Variants in PIK3C2B observed in about 807,000 individuals in gnomAD.
PIK3C2B encodes the protein phosphatidylinositol-4-phosphate 3-kinase catalytic subunit type 2 beta.
PIK3C2B carries 83 observed loss-of-function variants against 184.3 expected under a neutral mutation model. The ratio of observed to expected loss-of-function variants is 0.45; its 90% CI spans 0.38 to 0.54. PIK3C2B has a LOEUF of 0.54. Among genes scored for constraint, PIK3C2B ranks in the 20% least tolerant of loss-of-function variants. The probability of loss-of-function intolerance (pLI) is 0.00; values close to 1 mark genes in which losing one functional copy is unlikely to be tolerated. For synonymous variants in PIK3C2B, 779 were observed against 837.6 expected (o/e 0.93, Z 1.21); for missense variants, 1,736 against 2,113.5 (o/e 0.82, Z 3.50).
At position 204,431,809 on chromosome 1, in the gene PIK3C2B, T is replaced by A. The variant is rs1329676108; in HGVS notation, c.4156-16A>T. Reference sequence around the variant, plus strand: ...CCACATATATCTGCAAAGGTCCAGATCTTAGGGTGTACCTGCCGAGCCCTC... The same window carrying A: ...CCACATATATCTGCAAAGGTCCAGAACTTAGGGTGTACCTGCCGAGCCCTC... On this transcript the variant is annotated splice_polypyrimidine_tract_variant and intron_variant, in intron 27 of 32. Coordinates refer to ENST00000684373, the MANE Select transcript of PIK3C2B (RefSeq NM_001377334.1). 5.0e-6 allele frequency: 8 copies of A among 1,614,102 alleles called. No individual in the cohort carries two copies. The highest frequency in any genetic ancestry group is 5.1e-6 in the Non-Finnish European group (6 of 1,180,008).
intron 5 of PIK3C2B, among the ~76,000 whole-genome samples, chr1:204,463,689 T>C (rs978543596): frequency 3.3e-5 from 5 of 151,956 alleles, no homozygotes; most frequent in African/African-American, 1.2e-4. Context: ...ACTACCCATA[T>C]AGTCTCCCCA....
chr1:204,482,763 CAA>C (rs1171247395), intron 1 of PIK3C2B, among the ~76,000 whole-genome samples: 3 of 139,428 alleles, frequency 2.2e-5, no homozygotes, highest in East Asian at 2.1e-4. Context: ...CACTCTGTCT[CAA>C]AAAAAAAAAA....
At chr1:204,456,276 T>A in intron 10 of PIK3C2B, 1 of 401,360 alleles carries the variant, frequency 2.5e-6, no homozygotes, top group Non-Finnish European at 4.4e-6. Flanking sequence ...TTAAACATAA[T>A]CCTTATTTTT....
rs1675048532 is a variant in PIK3C2B, at chr1:204,431,437, A to C, written c.4280+232T>G. ...TAGAAATTTTGAAACATCAGATTCA[A>C]CCATGCCTTCCTTTCTGGCCAGTGG... On this transcript the variant is annotated intron_variant, in intron 28 of 32. Transcript: ENST00000684373. 3 of 574,702 alleles carry C rather than the reference A, an allele frequency of 5.2e-6. No individual in the cohort carries two copies. The South Asian group carries it at 6.6e-5, about 13-fold the overall frequency. The allele number at this position is 574,702 out of a possible 1,614,324, so 35.6% of individuals were successfully genotyped here.
intron 1 of PIK3C2B, among the ~76,000 whole-genome samples, chr1:204,484,896 T>C (rs1303959964): frequency 1.3e-5 from 2 of 152,132 alleles, no homozygotes; most frequent in East Asian, 3.8e-4. Flanking sequence ...CACAGTTTGG[T>C]AGACAAGAGA....
In PIK3C2B at chr1:204,424,764, C is replaced by A; in HGVS notation, c.*88G>T. ...CTGGAGGCCTGCCCAGGGCCCTGGCCCTTCACAAGGAGGAGTCTCACAGGG... is the reference window on the plus strand; with the variant it reads ...CTGGAGGCCTGCCCAGGGCCCTGGCACTTCACAAGGAGGAGTCTCACAGGG... On this transcript the variant is annotated 3_prime_UTR_variant, in exon 33 of 33. Coordinates refer to ENST00000684373, the MANE Select transcript of PIK3C2B (RefSeq NM_001377334.1). 7.3e-7 allele frequency: 1 copy of A among 1,369,762 alleles called. No individual in the cohort carries two copies. The highest frequency in any genetic ancestry group is 1.2e-5 in the South Asian group (1 of 85,952). 84.9% of individuals were successfully genotyped at this position (1,369,762 alleles called of 1,614,324 possible). A position where few individuals can be genotyped will look rare whatever the true frequency, so the allele number is the denominator to read the frequency against.
chr1:204,443,498 C>T lies in PIK3C2B; in HGVS notation c.2967G>A (p.Glu989=), dbSNP rs774957161. ...TGACAAGCCAGCACTGGCGGTTAAA[C>T]TCTTCTCTCAGCCCCTTGCCACAGC... ...LCCCGKGLRE[E]FNRQCWLVNA... is the part of the protein sequence containing the mutation. The change falls in exon 19 of 33, where the codon GAG becomes GAA. Residue 989 remains glutamate, a synonymous_variant. Coordinates refer to ENST00000684373, the MANE Select transcript of PIK3C2B (RefSeq NM_001377334.1). The T allele has an allele frequency of 6.2e-7, 1 of 1,614,048 alleles. No individual in the cohort carries two copies. Among genetic ancestry groups the T allele is most frequent in the Admixed American group, 1.7e-5 (1 of 60,016 alleles).
At chr1:204,491,495 C>T (rs1042156846) in intron 1 of PIK3C2B, among the ~76,000 whole-genome samples, 3 of 152,124 alleles carry the variant, frequency 2.0e-5, no homozygotes, top group African/African-American at 7.2e-5. Flanking sequence ...GAGTTTGAGA[C>T]CAGCCTGGGC....
Position 204,442,622 on chromosome 1 carries a change from G to A in PIK3C2B, c.3060C>T (p.Arg1020=), listed in dbSNP as rs147527449. ...AAPSARQGIL[R]TGLEEVKQFF... is the part of the protein sequence containing the mutation. ...ACTGCTTCACCTCCTCCAGGCCCGT[G>A]CGGAGGATTCCCTGGAAAGAAGGGG... Residue 1020 remains arginine, a synonymous_variant, in exon 20 of 33, where the codon CGC becomes CGT. Coordinates refer to ENST00000684373, the MANE Select transcript of PIK3C2B (RefSeq NM_001377334.1). The A allele has an allele frequency of 4.3e-4, 659 of 1,549,772 alleles. No homozygotes were observed. Among genetic ancestry groups the A allele is most frequent in the Non-Finnish European group, 5.3e-4 (605 of 1,145,126 alleles).
intron 2 of PIK3C2B, 151 bp from the exon 3 acceptor site, chr1:204,465,470 C>A: frequency 6.5e-6 from 4 of 618,222 alleles, no homozygotes; most frequent in Non-Finnish European, 1.2e-5. Flanking sequence ...ATGGGACATC[C>A]GGGAATACAT....
intron 1 of PIK3C2B, among the ~76,000 whole-genome samples, chr1:204,478,339 C>T (rs563193124): frequency 4.1e-4 from 63 of 152,262 alleles, no homozygotes; most frequent in African/African-American, 1.3e-3. Context: ...TCCAACTGCC[C>T]CTCCCACAGC....
At chr1:204,470,425 C>T (rs567748999) in intron 1 of PIK3C2B, among the ~76,000 whole-genome samples, 69 of 152,310 alleles carry the variant, frequency 4.5e-4, no homozygotes, top group African/African-American at 1.6e-3. Flanking sequence ...GCCTAGGCCT[C>T]CCAAAGTGTT....
At chr1:204,446,691 G>A (rs1653900151) in intron 15 of PIK3C2B, among the ~76,000 whole-genome samples, 1 of 152,208 alleles carries the variant, frequency 6.6e-6, no homozygotes, top group Non-Finnish European at 1.5e-5. Context: ...TGTCTAATGG[G>A]AGAAGGGAGC....
At chr1:204,454,284 T>C (rs944085193) in intron 12 of PIK3C2B, among the ~76,000 whole-genome samples, 5 of 150,776 alleles carry the variant, frequency 3.3e-5, no homozygotes, top group Admixed American at 6.6e-5. Context: ...AGATCGAGAC[T>C]ATCCTAGCTA....
rs936441870 is a variant in PIK3C2B at position 204,447,901 on chromosome 1, G to A, written c.2347-323C>T. 1.2e-4 allele frequency among the ~76,000 whole-genome samples: 18 copies of A among 152,162 alleles called. No homozygotes were observed. The highest frequency in any genetic ancestry group is 2.5e-4 in the Non-Finnish European group (17 of 68,024). On this transcript the variant is annotated intron_variant, in intron 14 of 32. Transcript: ENST00000684373. This position sits in a 1 kb window ranked among gnomAD's most constrained non-coding sequence, Gnocchi z 4.1. Reference sequence around the variant, plus strand: ...GTGTCACCCAGCTGAAACACGGGGTGCATCCAGGCTGAGTCCGGGGTGACT... The same window carrying A: ...GTGTCACCCAGCTGAAACACGGGGTACATCCAGGCTGAGTCCGGGGTGACT...
chr1:204,485,509 C>T (rs1657512529), intron 1 of PIK3C2B, among the ~76,000 whole-genome samples: 1 of 151,932 alleles, frequency 6.6e-6, no homozygotes, highest in Non-Finnish European at 1.5e-5. Context: ...TGCTGACCCC[C>T]TAAAGTATCT....
chr1:204,462,106 G>C (rs923924987), intron 5 of PIK3C2B, among the ~76,000 whole-genome samples: 11 of 152,150 alleles, frequency 7.2e-5, no homozygotes, highest in Non-Finnish European at 1.3e-4. Context: ...GGACTTGCTT[G>C]ATCTTCTCTG....
intron 9 of PIK3C2B, 81 bp downstream of exon 9, chr1:204,457,647 C>A: frequency 7.2e-7 from 1 of 1,380,666 alleles, no homozygotes; most frequent in East Asian, 2.4e-5. Context: ...TGAACACCTA[C>A]ACACTCTAGC....
chr1:204,484,720 C>T (rs915083268), intron 1 of PIK3C2B, among the ~76,000 whole-genome samples: 3 of 151,190 alleles, frequency 2.0e-5, no homozygotes, highest in African/African-American at 2.4e-5. Context: ...GGCGACAAAG[C>T]GAGACTCCGT....
Sources: allele counts gnomAD v4.1 joint callset (sites outside exome capture counted in the v4.1 genomes callset), GRCh38; gene constraint gnomAD v4.1.1; non-coding constraint Gnocchi (gnomAD v3.1); transcripts MANE v1.5; gene names NCBI Gene and HGNC (gene_info 2026-07-23, HGNC 2026-07-21).